Variants in PHKB observed in about 807,000 individuals in gnomAD.
PHKB encodes the protein phosphorylase kinase regulatory subunit beta, also known as phosphorylase b kinase regulatory subunit beta.
In PHKB, 122 loss-of-function variants were observed where a neutral mutation model predicts 152.1. The ratio of observed to expected loss-of-function variants is 0.80; its 90% CI spans 0.69 to 0.93. The LOEUF is 0.93. Ranked by LOEUF, PHKB falls within the 40% of genes least tolerant of loss-of-function variation. The pLI, the probability that PHKB is intolerant of heterozygous loss-of-function variation, is 0.00. For synonymous variants in PHKB, 436 were observed against 464.9 expected, an observed-to-expected ratio of 0.94 and a Z score of 0.80; for missense variants, 1,304 against 1,328.4, an observed-to-expected ratio of 0.98 and a Z score of 0.29.
intron 12 of PHKB, 32 bp from the exon 13 acceptor site, chr16:47,596,341 A>G (rs753335922): frequency 4.2e-6 from 6 of 1,440,834 alleles, no homozygotes; most frequent in South Asian, 2.3e-5. Flanking sequence ...CAGATTTGTT[A>G]TATTTTAAAT....
chr16:47,581,980 G>A (rs1302991289), intron 8 of PHKB, among the ~76,000 whole-genome samples: 2 of 152,050 alleles, frequency 1.3e-5, no homozygotes, highest in Non-Finnish European at 2.9e-5. Context: ...ATGCGCGGCC[G>A]ACTCTTGTTG....
chr16:47,628,872 A>G (rs1486992970), intron 14 of PHKB, among the ~76,000 whole-genome samples: 1 of 152,072 alleles, frequency 6.6e-6, no homozygotes, highest in Non-Finnish European at 1.5e-5. Context: ...AATGCCGCAT[A>G]TCTACAACTA....
rs535759399 is a variant in PHKB at position 47,539,959 on chromosome 16, A to G, written c.595-7474A>G. Among the ~76,000 whole-genome samples, 255 of 152,312 alleles carry G rather than the reference A, an allele frequency of 1.7e-3. 1 individual carries two copies. Among genetic ancestry groups the G allele is most frequent in the Non-Finnish European group, 2.6e-3 (175 of 68,032 alleles). On this transcript the variant is annotated intron_variant, in intron 6 of 30. Coordinates refer to ENST00000323584, the MANE Select transcript of PHKB (RefSeq NM_000293.3). ...GAATAACAGCGATTTTTAGGGAACA[A>G]GGGAAGACACCCATAAGGTCTGACT...
At chr16:47,478,467 T>A (rs77458280) in intron 1 of PHKB, among the ~76,000 whole-genome samples, 4 of 102,258 alleles carry the variant, frequency 3.9e-5, no homozygotes, top group African/African-American at 7.0e-5. Context: ...TGCTGTGAAA[T>A]TTTTTTTTTT....
At chr16:47,634,137 A>T (rs1385125859) in intron 14 of PHKB, among the ~76,000 whole-genome samples, 1 of 152,226 alleles carries the variant, frequency 6.6e-6, no homozygotes, top group African/African-American at 2.4e-5. Context: ...AACCCTAGGA[A>T]ATAGTTATTT....
intron 11 of PHKB, 28 bp downstream of exon 11, chr16:47,593,585 G>A (rs1304415674): frequency 3.1e-6 from 4 of 1,286,186 alleles, no homozygotes; most frequent in Non-Finnish European, 4.5e-6. Context: ...TGAAATTTAA[G>A]CAAGCTTTTT....
intron 20 of PHKB, among the ~76,000 whole-genome samples, chr16:47,654,072 A>T (rs1485927258): frequency 1.3e-5 from 2 of 152,224 alleles, no homozygotes; most frequent in Admixed American, 1.3e-4. Flanking sequence ...AAGTATTTCT[A>T]CAAATATGTG....
At chr16:47,580,159 C>G in intron 7 of PHKB, 136 bp from the exon 8 acceptor site, 2 of 707,340 alleles carry the variant, frequency 2.8e-6, no homozygotes, top group Non-Finnish European at 5.0e-6. Flanking sequence ...AATGAGGTCT[C>G]TTAGACATTA....
At chr16:47,655,124 G>C (rs999203616) in intron 20 of PHKB, among the ~76,000 whole-genome samples, 2 of 152,032 alleles carry the variant, frequency 1.3e-5, no homozygotes, top group Non-Finnish European at 2.9e-5. Flanking sequence ...ATAATTGATG[G>C]CAGAGGATAG....
At chr16:47,611,041 C>G in intron 14 of PHKB, 121 bp downstream of exon 14, 1 of 714,584 alleles carries the variant, frequency 1.4e-6, no homozygotes, top group South Asian at 1.5e-5. Context: ...GTTTCTCCCT[C>G]TTCTGGTTAG....
chr16:47,500,931 T>C lies in PHKB; in HGVS notation c.305+1037T>C, dbSNP rs185095602. Among the ~76,000 whole-genome samples the C allele has an allele frequency of 2.0e-5, 3 of 152,344 alleles. No homozygotes were observed. In the East Asian group the frequency reaches 5.8e-4, roughly 29 times the overall value. On this transcript the variant is annotated intron_variant, in intron 3 of 30. Transcript: ENST00000323584. Reference sequence around the variant, plus strand: ...TGAACACGATTTATCTGTTTGAAATTACTGATGTGTTGGATTTTAAAAAGA... The same window carrying C: ...TGAACACGATTTATCTGTTTGAAATCACTGATGTGTTGGATTTTAAAAAGA...
chr16:47,693,035 A>G (rs554705385), intron 27 of PHKB, among the ~76,000 whole-genome samples: 41 of 152,304 alleles, frequency 2.7e-4, no homozygotes, highest in African/African-American at 8.9e-4. Flanking sequence ...TGTGAAAACA[A>G]CATCAAGTTA....
At chr16:47,511,814 G>A (rs370245373) in intron 5 of PHKB, 42 bp downstream of exon 5, 58 of 1,262,020 alleles carry the variant, frequency 4.6e-5, no homozygotes, top group Middle Eastern at 3.7e-4. Context: ...ATATTATATA[G>A]CATAGAACAG....
intron 1 of PHKB, among the ~76,000 whole-genome samples, chr16:47,496,189 G>C (rs889051563): frequency 1.3e-5 from 2 of 151,658 alleles, no homozygotes; most frequent in Admixed American, 1.3e-4. Flanking sequence ...AGACTATATG[G>C]TATACATTAC....
At chr16:47,469,340 G>A (rs555407773) in intron 1 of PHKB, among the ~76,000 whole-genome samples, 1 of 152,236 alleles carries the variant, frequency 6.6e-6, no homozygotes, top group African/African-American at 2.4e-5. Flanking sequence ...GCAAAGACAT[G>A]GAATCAACCT....
chr16:47,541,728 T>A (rs1393455799), intron 6 of PHKB, among the ~76,000 whole-genome samples: 1 of 152,236 alleles, frequency 6.6e-6, no homozygotes, highest in Non-Finnish European at 1.5e-5. Context: ...GGTTTTGATT[T>A]GCATTTCTCT....
chr16:47,569,933 A>G (rs1452019865), intron 7 of PHKB, among the ~76,000 whole-genome samples: 2 of 152,134 alleles, frequency 1.3e-5, no homozygotes, highest in Admixed American at 6.5e-5. Flanking sequence ...TAGCCCTTTC[A>G]TTTAGATGTT....
intron 13 of PHKB, among the ~76,000 whole-genome samples, chr16:47,599,495 G>A (rs1413175497): frequency 6.6e-6 from 1 of 152,158 alleles, no homozygotes; most frequent in African/African-American, 2.4e-5. Context: ...AATAGTATCA[G>A]TAAAAAAGCA....
At chr16:47,675,811 C>T (rs1177984660) in intron 26 of PHKB, 2 of 152,300 alleles carry the variant, frequency 1.3e-5, no homozygotes, top group East Asian at 1.9e-4. Context: ...CCCTAAAATC[C>T]CTTCAGACCT....
Sources: gnomAD v4.1 joint callset for allele counts (sites outside exome capture counted in the v4.1 genomes callset) on GRCh38, gnomAD v4.1.1 for gene constraint, MANE v1.5 for transcripts, NCBI Gene and HGNC (gene_info 2026-07-23, HGNC 2026-07-21) for gene names.